Variants in MBD5 observed in about 807,000 individuals in gnomAD.
MBD5 encodes methyl-CpG-binding domain protein 5.
Under a neutral mutation model 117.3 loss-of-function variants are expected in MBD5, and 13 were observed. The observed-to-expected ratio is 0.11, with a 90% CI of 0.07 to 0.18. The LOEUF (loss-of-function observed/expected upper bound fraction) is 0.18, where lower values mean the gene tolerates loss of function less well. Ranked by LOEUF, MBD5 falls within the 10% of genes least tolerant of loss-of-function variation. MBD5 has a pLI of 1.00. For synonymous variants in MBD5, 727 were observed against 766.4 expected (o/e 0.95, Z 0.85); for missense variants, 1,879 against 2,093.8 (o/e 0.90, Z 2.00).
chr2:148,314,041 G>T (rs930670957), intron 3 of MBD5, among the ~76,000 whole-genome samples: 4 of 151,876 alleles, frequency 2.6e-5, no homozygotes, highest in African/African-American at 9.7e-5. Flanking sequence ...CCCGCCTTCT[G>T]CATTGTTCTC....
chr2:148,149,829 C>A (rs1298507115), intron 1 of MBD5, among the ~76,000 whole-genome samples: 1 of 150,770 alleles, frequency 6.6e-6, no homozygotes, highest in Non-Finnish European at 1.5e-5. Flanking sequence ...CATTGTAGAT[C>A]CTGGATATTA....
rs774912000 is a variant in MBD5, at chr2:148,485,860, G to A, written c.3663G>A (p.Gly1221=). The part of the protein sequence containing the change: ...PNQQQQQLLQ[G]YQNLQAFQGQ... ...AGCAACAGCAGCAACTTCTCCAGGG[G>A]TACCAGAATCTCCAGGCGTTCCAAG... Residue 1221 remains glycine (G), a synonymous_variant, in exon 10 of 14, where the codon GGG becomes GGA. Transcript: ENST00000642680. 3 of 1,614,044 alleles carry A rather than the reference G, an allele frequency of 1.9e-6. No individual in the cohort carries two copies. The highest frequency in any genetic ancestry group is 1.7e-5 in the Admixed American group (1 of 60,022).
intron 8 of MBD5, among the ~76,000 whole-genome samples, chr2:148,476,884 A>G (rs1177661793): frequency 2.0e-5 from 3 of 152,170 alleles, no homozygotes; most frequent in Non-Finnish European, 4.4e-5. Context: ...AAGTGTTTTA[A>G]CTGTTAGGTA....
chr2:148,149,618 T>C (rs1199434597), intron 1 of MBD5, among the ~76,000 whole-genome samples: 1 of 151,670 alleles, frequency 6.6e-6, no homozygotes, highest in African/African-American at 2.4e-5. Context: ...CCTGACTTTT[T>C]AATGATCGCC....
At chr2:148,236,257 T>C (rs1700090124) in intron 3 of MBD5, among the ~76,000 whole-genome samples, 1 of 152,206 alleles carries the variant, frequency 6.6e-6, no homozygotes, top group African/African-American at 2.4e-5. Context: ...ACAAAGTAAA[T>C]TGGTTTTCAA....
rs566134093 is a variant in MBD5 at position 148,122,940 on chromosome 2, T to C, written c.-924-55760T>C. The stretch of plus-strand genomic sequence containing the variant: ...ACATAGGATAGTGAATGAGAGGCCA[T>C]ATATGAGGCCAAATGACTTAGCCAA... On this transcript the variant is annotated intron_variant, in intron 1 of 13. Transcript: ENST00000642680. 1.4e-4 allele frequency among the ~76,000 whole-genome samples: 22 copies of C among 152,188 alleles called. 2 individuals carry two copies. Among genetic ancestry groups the C allele is most frequent in the Non-Finnish European group, 2.8e-4 (19 of 68,022 alleles).
At chr2:148,359,067 G>A (rs1197316239) in intron 4 of MBD5, among the ~76,000 whole-genome samples, 1 of 152,054 alleles carries the variant, frequency 6.6e-6, no homozygotes, top group Non-Finnish European at 1.5e-5. Context: ...TTCAAGACCA[G>A]CCTGGGCGAC....
chr2:148,122,222 T>A (rs1055084927), intron 1 of MBD5, among the ~76,000 whole-genome samples: 2 of 152,194 alleles, frequency 1.3e-5, no homozygotes, highest in African/African-American at 4.8e-5. Context: ...ATCACAAAAC[T>A]GTTGTTAAAG....
At position 148,490,078 on chromosome 2, in the gene MBD5, A is replaced by G; in HGVS notation, c.4446A>G (p.Leu1482=). Residue 1482 remains leucine, a synonymous_variant, in exon 11 of 14, where the codon TTA becomes TTG. Coordinates refer to ENST00000642680, the MANE Select transcript of MBD5 (RefSeq NM_001378120.1). Reference sequence around the variant, plus strand: ...CTGGGGAACAGCACCCAATACTGTTACCACCAAGAAACTGTCCAGGGGATA... The same window carrying G: ...CTGGGGAACAGCACCCAATACTGTTGCCACCAAGAAACTGTCCAGGGGATA... ...FLPGEQHPIL[L]PPRNCPGDKI... 2 of 1,614,132 alleles carry G rather than the reference A, an allele frequency of 1.2e-6. No individual in the cohort carries two copies.
chr2:148,133,818 G>A (rs762520855), intron 1 of MBD5, among the ~76,000 whole-genome samples: 9 of 151,188 alleles, frequency 6.0e-5, no homozygotes, highest in East Asian at 1.9e-4. Flanking sequence ...AGCAAAACTC[G>A]GTCTCAAAAT....
At chr2:148,366,284 T>C (rs542101092) in intron 4 of MBD5, among the ~76,000 whole-genome samples, 15 of 152,304 alleles carry the variant, frequency 9.8e-5, no homozygotes, top group Admixed American at 5.2e-4. Flanking sequence ...CACCCCTTCA[T>C]GCTAAAAACT....
chr2:148,148,839 C>G (rs1404061341), intron 1 of MBD5, among the ~76,000 whole-genome samples: 1 of 152,112 alleles, frequency 6.6e-6, no homozygotes, highest in Non-Finnish European at 1.5e-5. Flanking sequence ...AACTTATCAT[C>G]TTCTACATTT....
At chr2:148,258,521 C>T (rs1295209537) in intron 3 of MBD5, among the ~76,000 whole-genome samples, 3 of 152,226 alleles carry the variant, frequency 2.0e-5, no homozygotes, top group East Asian at 1.9e-4. Context: ...CGTCCAGTGT[C>T]CCCCCAAACT....
intron 1 of MBD5, among the ~76,000 whole-genome samples, chr2:148,167,416 A>G (rs1574088149): frequency 6.6e-6 from 1 of 152,116 alleles, no homozygotes; most frequent in African/African-American, 2.4e-5. Context: ...TTTAGCTCCT[A>G]CAACAACCTA....
intron 2 of MBD5, among the ~76,000 whole-genome samples, chr2:148,231,585 C>T (rs890860379): frequency 2.0e-5 from 3 of 151,852 alleles, no homozygotes; most frequent in African/African-American, 4.8e-5. Context: ...GATGTCCTTG[C>T]TTGGAGGGAC....
intron 3 of MBD5, among the ~76,000 whole-genome samples, chr2:148,254,647 T>A (rs1253677046): frequency 6.6e-6 from 1 of 152,092 alleles, no homozygotes; most frequent in African/African-American, 2.4e-5. Flanking sequence ...CCCTGTGTCC[T>A]CACAGACCCA....
At chr2:148,234,191 T>A (rs1177772047) in intron 3 of MBD5, among the ~76,000 whole-genome samples, 1 of 152,174 alleles carries the variant, frequency 6.6e-6, no homozygotes, top group Non-Finnish European at 1.5e-5. Context: ...TATACACTTT[T>A]AAAATTTTAA....
chr2:148,069,844 T>C (rs1695303997), intron 1 of MBD5, among the ~76,000 whole-genome samples: 1 of 152,180 alleles, frequency 6.6e-6, no homozygotes, highest in Admixed American at 6.5e-5. Flanking sequence ...TTTTATGGGT[T>C]ACAAGTGGTA....
rs761709621 is a variant in MBD5 at position 148,294,501 on chromosome 2, G to GTTTTTTTTTTTTTGTTT, written c.-679-47700_-679-47699insGTTTTTTTTTTTTTTTT. Among the ~76,000 whole-genome samples, 169 of 113,238 alleles carry GTTTTTTTTTTTTTGTTT rather than the reference G, an allele frequency of 1.5e-3. 8 individuals carry two copies. Among genetic ancestry groups the GTTTTTTTTTTTTTGTTT allele is most frequent in the South Asian group, 4.8e-3 (18 of 3,748 alleles). 74.3% of individuals were successfully genotyped at this position (113,238 alleles called of 152,430 possible). A position where few individuals can be genotyped will look rare whatever the true frequency, so the allele number is the denominator to read the frequency against. On this transcript the variant is annotated intron_variant, in intron 3 of 13. Coordinates refer to ENST00000642680, the MANE Select transcript of MBD5 (RefSeq NM_001378120.1). Reference sequence around the variant, plus strand: ...GGCCTCCCAAAGTGCTGGGATTACAGTTTTTTTTTTTTTTTTTTTTGAGAT... The same window carrying GTTTTTTTTTTTTTGTTT: ...GGCCTCCCAAAGTGCTGGGATTACAGTTTTTTTTTTTTTGTTTTTTTTTTTTTTTTTTTTTTTGAGAT...
Sources: gnomAD v4.1 joint callset for allele counts (sites outside exome capture counted in the v4.1 genomes callset) on GRCh38, gnomAD v4.1.1 for gene constraint, MANE v1.5 for transcripts, NCBI Gene and HGNC (gene_info 2026-07-23, HGNC 2026-07-21) for gene names.